Variants in WDFY3 observed in about 807,000 individuals in gnomAD.
WDFY3 encodes WD repeat and FYVE domain containing 3, also known as WD repeat and FYVE domain-containing protein 3.
In WDFY3, 66 loss-of-function variants were observed where a neutral mutation model predicts 409.6. The ratio of observed to expected loss-of-function variants is 0.16; its 90% CI spans 0.13 to 0.20. The LOEUF (loss-of-function observed/expected upper bound fraction) is 0.20. Ranked by LOEUF, WDFY3 falls within the 10% of genes least tolerant of loss-of-function variation. The pLI, the probability that WDFY3 is intolerant of heterozygous loss-of-function variation, is 1.00. For missense variants in WDFY3, 3,031 were observed against 4,298.1 expected, an observed-to-expected ratio of 0.71 and a Z score of 8.24; for synonymous variants, 1,521 against 1,537.1, an observed-to-expected ratio of 0.99 and a Z score of 0.25.
At chr4:84,740,775 G>GA (rs1206560514) in intron 38 of WDFY3, among the ~76,000 whole-genome samples, 1 of 151,936 alleles carries the variant, frequency 6.6e-6, no homozygotes, top group Non-Finnish European at 1.5e-5. Context: ...CAAAAGTACT[G>GA]AAAAAAATTA....
rs776100257 is a variant in WDFY3, at chr4:84,672,843, G to A, written c.*25C>T. ...AATCGGGAAGGGGTCTACAGACCAT[G>A]GTCTCCACTCAGCTTGTTGAATCTT... On this transcript the variant is annotated 3_prime_UTR_variant, in exon 68 of 68. Transcript: ENST00000295888. 6.2e-7 allele frequency: 1 copy of A among 1,613,658 alleles called. No homozygotes were observed. Among genetic ancestry groups the A allele is most frequent in the Non-Finnish European group, 8.5e-7 (1 of 1,179,810 alleles).
chr4:84,730,299 A>G (rs1027267516), intron 44 of WDFY3, among the ~76,000 whole-genome samples: 4 of 152,212 alleles, frequency 2.6e-5, no homozygotes, highest in Admixed American at 6.5e-5. Flanking sequence ...TGCTAAAGAG[A>G]AAGCAAAGGA....
Position 84,704,275 on chromosome 4 carries a change from G to A in WDFY3, c.8442+63C>T. The A allele has an allele frequency of 3.4e-6, 4 of 1,180,266 alleles. No individual in the cohort carries two copies. In the East Asian group the frequency reaches 7.7e-5, roughly 23 times the overall value. 73.1% of individuals were successfully genotyped at this position (1,180,266 alleles called of 1,614,324 possible). On this transcript the variant is annotated intron_variant, in intron 55 of 67. Coordinates refer to ENST00000295888, the MANE Select transcript of WDFY3 (RefSeq NM_014991.6). ...AATAGAAGATAATGATGTTTTAAAA[G>A]GTGACATTTTAGATAGAAGTAGGCT...
intron 8 of WDFY3, among the ~76,000 whole-genome samples, chr4:84,829,850 T>TAAATAAATAAA (rs1553975927): frequency 4.7e-5 from 7 of 150,402 alleles, no homozygotes; most frequent in East Asian, 1.9e-4. Flanking sequence ...AATAAATAAA[T>TAAATAAATAAA]TAGAGAGACT....
At chr4:84,783,710 T>C (rs1560750349) in intron 24 of WDFY3, among the ~76,000 whole-genome samples, 1 of 152,224 alleles carries the variant, frequency 6.6e-6, no homozygotes, top group Non-Finnish European at 1.5e-5. Context: ...CAAGAGTTTA[T>C]AGATAAAACA....
At chr4:84,956,186 T>TG (rs1774218708) in intron 1 of WDFY3, among the ~76,000 whole-genome samples, 1 of 152,198 alleles carries the variant, frequency 6.6e-6, no homozygotes, top group Non-Finnish European at 1.5e-5. Flanking sequence ...TGGTATTAAT[T>TG]GGCTGAGCAG....
In WDFY3 at chr4:84,794,931, A is replaced by G; in HGVS notation, c.3216T>C (p.Asn1072=). 6.3e-7 allele frequency: 1 copy of G among 1,578,834 alleles called. No individual in the cohort carries two copies. The highest frequency in any genetic ancestry group is 1.4e-5 in the African/African-American group (1 of 73,348). ...SLAPHNAPTN[N]TVTTGLIDGA... Reference sequence around the variant, plus strand: ...CATCAATAAGACCTGTTGTGACGGTATTATTTGTAGGAGCATTATGAGGGG... The same window carrying G: ...CATCAATAAGACCTGTTGTGACGGTGTTATTTGTAGGAGCATTATGAGGGG... The change falls in exon 20 of 68, where the codon AAT becomes AAC. Residue 1072 remains asparagine (N), a synonymous_variant. Transcript: ENST00000295888.
intron 10 of WDFY3, among the ~76,000 whole-genome samples, chr4:84,824,154 T>C (rs559997218): frequency 6.6e-6 from 1 of 152,304 alleles, no homozygotes; most frequent in African/African-American, 2.4e-5. Context: ...CTCCCCATTT[T>C]CATGGTTTTA....
At chr4:84,783,150 A>G in intron 24 of WDFY3, 76 bp from the exon 25 acceptor site, 1 of 1,293,354 alleles carries the variant, frequency 7.7e-7, no homozygotes, top group Non-Finnish European at 1.1e-6. Flanking sequence ...GAAACCAAAC[A>G]CATGAATGGT....
intron 16 of WDFY3, 141 bp from the exon 17 acceptor site, chr4:84,802,005 T>C (rs1750663268): frequency 3.9e-6 from 3 of 773,046 alleles, no homozygotes; most frequent in Non-Finnish European, 6.1e-6. Flanking sequence ...TGGAGTGCAA[T>C]GGTGTGATCT....
intron 5 of WDFY3, among the ~76,000 whole-genome samples, chr4:84,846,470 TA>T (rs1443923707): frequency 6.6e-6 from 1 of 151,952 alleles, no homozygotes; most frequent in East Asian, 1.9e-4. Flanking sequence ...CCTGTGGATG[TA>T]AAATCATAAA....
At chr4:84,699,216 G>A (rs1370349547) in intron 56 of WDFY3, among the ~76,000 whole-genome samples, 4 of 151,816 alleles carry the variant, frequency 2.6e-5, no homozygotes, top group East Asian at 3.9e-4. Flanking sequence ...GTAGCTGCCC[G>A]TATTACCTTC....
intron 15 of WDFY3, chr4:84,804,067 A>C (rs1356206192): frequency 6.6e-6 from 1 of 152,208 alleles, no homozygotes; most frequent in African/African-American, 2.4e-5. Context: ...ATTATCACTG[A>C]AAATATTCAT....
At chr4:84,712,373 T>TAAAAAAAAAAAAA (rs998951453) in intron 51 of WDFY3, among the ~76,000 whole-genome samples, 7 of 75,060 alleles carry the variant, frequency 9.3e-5, no homozygotes, top group Non-Finnish European at 1.4e-4. Context: ...AGAAAAAAAT[T>TAAAAAAAAAAAAA]AAAAAAAAAA....
At chr4:84,711,212 T>C (rs895010195) in intron 51 of WDFY3, among the ~76,000 whole-genome samples, 1 of 152,202 alleles carries the variant, frequency 6.6e-6, no homozygotes, top group Non-Finnish European at 1.5e-5. Flanking sequence ...CTGTGTTACC[T>C]AGAAGGCCTC....
At chr4:84,902,850 T>C (rs1053554337) in intron 2 of WDFY3, among the ~76,000 whole-genome samples, 2 of 152,228 alleles carry the variant, frequency 1.3e-5, no homozygotes, top group Non-Finnish European at 2.9e-5. Flanking sequence ...TCTTTCAGAC[T>C]TATTGTCAGG....
chr4:84,932,350 G>A lies in WDFY3; in HGVS notation c.-212C>T, dbSNP rs1770868279. ...GCACTTTCTTCCTGAAGCAGACGTG[G>A]AGAAGTATTATACCTGATGAAGGAA... is the stretch of plus-strand genomic sequence containing the variant. On this transcript the variant is annotated 5_prime_UTR_variant, in exon 2 of 68. Coordinates refer to ENST00000295888, the MANE Select transcript of WDFY3 (RefSeq NM_014991.6). 1 of 152,140 alleles carries A rather than the reference G, an allele frequency of 6.6e-6. No individual in the cohort carries two copies. The highest frequency in any genetic ancestry group is 1.5e-5 in the Non-Finnish European group (1 of 68,026). The allele number at this position is 152,140 out of a possible 1,614,324, so 9.4% of individuals were successfully genotyped here.
At chr4:84,829,535 A>G (rs1755355897) in intron 8 of WDFY3, among the ~76,000 whole-genome samples, 1 of 152,178 alleles carries the variant, frequency 6.6e-6, no homozygotes, top group Non-Finnish European at 1.5e-5. Context: ...AGATGAAAAA[A>G]GCAAAAAAAC....
chr4:84,706,883 C>T (rs1006420888), intron 53 of WDFY3, among the ~76,000 whole-genome samples: 4 of 151,152 alleles, frequency 2.6e-5, no homozygotes, highest in African/African-American at 9.7e-5. Flanking sequence ...TTTTTCAACT[C>T]TCTCCCAAAT....
Sources: gnomAD v4.1 joint callset for allele counts (sites outside exome capture counted in the v4.1 genomes callset) on GRCh38, gnomAD v4.1.1 for gene constraint, MANE v1.5 for transcripts, NCBI Gene and HGNC (gene_info 2026-07-23, HGNC 2026-07-21) for gene names.